COL2A1: variants seen among roughly 807,000 people sequenced by gnomAD.
The protein encoded by COL2A1 is collagen type II alpha 1 chain, also known as collagen alpha-1(II) chain.
Under a neutral mutation model 204.5 loss-of-function variants are expected in COL2A1, and 28 were observed. The ratio of observed to expected loss-of-function variants is 0.14; its 90% confidence interval spans 0.10 to 0.19. The LOEUF is 0.19. Ranked by LOEUF, COL2A1 falls within the 10% of genes least tolerant of loss-of-function variation. COL2A1 has a pLI of 1.00. For synonymous variants in COL2A1, 708 were observed against 718.7 expected, an observed-to-expected ratio of 0.99 and a Z score of 0.24; for missense variants, 1,388 against 2,027.5, an observed-to-expected ratio of 0.68 and a Z score of 6.06.
At chr12:47,999,840 G>T in intron 2 of COL2A1, 79 bp downstream of exon 2, 2 of 1,305,432 alleles carry the variant, frequency 1.5e-6, no homozygotes, top group South Asian at 1.2e-5. Flanking sequence ...TTGCAGAGAC[G>T]ACCAGCATCT....
chr12:47,980,037 T>G lies in COL2A1; in HGVS notation c.2651A>C (p.Lys884Thr). ...GGGGCCTTGGGCACCTCGGGCTCCTTTAGGACCAGTCACTCCAGTAGGACC... is the reference window on the plus strand; with the variant it reads ...GGGGCCTTGGGCACCTCGGGCTCCTGTAGGACCAGTCACTCCAGTAGGACC... ...PQGPTGVTGP[K>T]GARGAQGPPG... is the part of the protein sequence containing the mutation. Residue 884 changes from lysine to threonine, a missense_variant, in exon 40 of 54, where the codon AAA becomes ACA. Physicochemically the swap from Lys to Thr is moderately conservative, Grantham distance 78 (BLOSUM62 -1). Coordinates refer to ENST00000380518, the MANE Select transcript of COL2A1 (RefSeq NM_001844.5). This position sits in a 1 kb window ranked among gnomAD's most constrained non-coding sequence, Gnocchi z 4.5. The G allele has an allele frequency of 6.4e-7, 1 of 1,555,472 alleles. No homozygotes were observed. Among genetic ancestry groups the G allele is most frequent in the Non-Finnish European group, 8.7e-7 (1 of 1,149,538 alleles).
At chr12:47,991,419 G>A (rs938590545) in intron 16 of COL2A1, among the ~76,000 whole-genome samples, 3 of 152,182 alleles carry the variant, frequency 2.0e-5, no homozygotes, top group Non-Finnish European at 4.4e-5. Flanking sequence ...ATCTCCATGA[G>A]CCTACCCCGT....
chr12:47,976,620 A>G lies in COL2A1; in HGVS notation c.3436-53T>C. 1 of 1,577,920 alleles carries G rather than the reference A, an allele frequency of 6.3e-7. No individual in the cohort carries two copies. The highest frequency in any genetic ancestry group is 8.7e-7 in the Non-Finnish European group (1 of 1,147,428). ...ACGGTCAGCACAGACATATCTATCT[A>G]TATTCTGGGAGCTGGGGGAACAGCT... On this transcript the variant is annotated intron_variant, in intron 48 of 53. Coordinates refer to ENST00000380518, the MANE Select transcript of COL2A1 (RefSeq NM_001844.5). The surrounding 1 kb of genome is among the most constrained non-coding windows in gnomAD (Gnocchi z 4.3).
Position 47,973,294 on chromosome 12 carries a change from TG to T in COL2A1, c.*112del. The T allele has an allele frequency of 7.2e-7, 1 of 1,392,258 alleles. No individual in the cohort carries two copies. The highest frequency in any genetic ancestry group is 1.0e-6 in the Non-Finnish European group (1 of 977,658). 86.2% of individuals were successfully genotyped at this position (1,392,258 alleles called of 1,614,324 possible). ...CCGAACTGTGAGAGGGTGGGATGAA[TG>T]GACATCAGGTCAGGTCAGCCATTCA... On this transcript the variant is annotated 3_prime_UTR_variant, in exon 54 of 54. Coordinates refer to ENST00000380518, the MANE Select transcript of COL2A1 (RefSeq NM_001844.5).
intron 2 of COL2A1, chr12:47,998,731 A>T (rs142052925): frequency 2.6e-6 from 1 of 380,324 alleles, no homozygotes; most frequent in East Asian, 4.9e-5. Flanking sequence ...CTCAAGATCT[A>T]ATCAGCCACA....
Position 47,987,471 on chromosome 12 carries a change from A to T in COL2A1, c.1221+140T>A. 9.5e-7 allele frequency: 1 copy of T among 1,048,874 alleles called. No individual in the cohort carries two copies. Among genetic ancestry groups the T allele is most frequent in the Non-Finnish European group, 1.4e-6 (1 of 690,560 alleles). 65.0% of individuals were successfully genotyped at this position (1,048,874 alleles called of 1,614,324 possible). A position where few individuals can be genotyped will look rare whatever the true frequency, so the allele number is the denominator to read the frequency against. ...GGGAAGATGGGATAGAAGGGAATAC[A>T]TCTAGAGGTGGGGACAGGCATTGGG... On this transcript the variant is annotated intron_variant, in intron 19 of 53. Coordinates refer to ENST00000380518, the MANE Select transcript of COL2A1 (RefSeq NM_001844.5). The surrounding 1 kb of genome is among the most constrained non-coding windows in gnomAD (Gnocchi z 4.1).
At chr12:47,994,585 G>A in intron 11 of COL2A1, 108 bp from the exon 12 acceptor site, 2 of 1,151,364 alleles carry the variant, frequency 1.7e-6, no homozygotes, top group Non-Finnish European at 2.6e-6. Context: ...TTGCCTACCG[G>A]CTCACTCATC....
chr12:47,984,046 C>T (rs1939245371), intron 29 of COL2A1, 41 bp downstream of exon 29: 1 of 1,587,098 alleles, frequency 6.3e-7, no homozygotes, highest in African/African-American at 1.3e-5. Context: ...CTCCCAGCCC[C>T]TGCCCCCAGG....
chr12:47,976,959 C>A lies in COL2A1; in HGVS notation c.3328-40G>T, dbSNP rs1265891983. ...GACACCGATTGAGTCAGGTCAGGGC[C>A]AGGACAGGAGCCCCCTCCTGTCCCA... is the stretch of plus-strand genomic sequence containing the variant. On this transcript the variant is annotated intron_variant, in intron 47 of 53. Transcript: ENST00000380518. The surrounding 1 kb of genome is among the most constrained non-coding windows in gnomAD (Gnocchi z 4.3). 1.2e-5 allele frequency: 18 copies of A among 1,558,168 alleles called. No homozygotes were observed. The highest frequency in any genetic ancestry group is 1.9e-5 in the Admixed American group (1 of 53,740).
rs1217575381 is a variant in COL2A1, at chr12:47,998,423, C to T, written c.301G>A (p.Gly101Arg). 4 of 1,610,292 alleles carry T rather than the reference C, an allele frequency of 2.5e-6. No individual in the cohort carries two copies. The highest frequency in any genetic ancestry group is 3.4e-6 in the Non-Finnish European group (4 of 1,177,764). The change falls in exon 3 of 54, where the codon GGA (glycine) becomes AGA (arginine). Residue 101 changes from glycine to arginine, a missense_variant. Gly to Arg is a moderately radical substitution (Grantham distance 125). Coordinates refer to ENST00000380518, the MANE Select transcript of COL2A1 (RefSeq NM_001844.5). ...TDLATASGQP[G>R]PKGQKGEPGD... ...AAGAAGAAAGCCCTTACCTTTGGTC[C>T]TGGTTGCCCTGCAAGGGAAAAAATA...
At chr12:48,005,827 C>T (rs1422570395), upstream of COL2A1, 1 of 152,268 alleles carries the variant, frequency 6.6e-6, no homozygotes, top group Non-Finnish European at 1.5e-5. Context: ...CCCCTAGAAG[C>T]TGAGAGCACT....
At chr12:47,982,278 C>T in intron 34 of COL2A1, 118 bp from the exon 35 acceptor site, 1 of 976,008 alleles carries the variant, frequency 1.0e-6, no homozygotes, top group South Asian at 1.3e-5. Flanking sequence ...GAGGAATTTG[C>T]TGTGGTCTCA....
In COL2A1 at chr12:47,997,819, T is replaced by A. The variant is rs1360223677; in HGVS notation, c.429+52A>T. 1.9e-6 allele frequency: 3 copies of A among 1,612,204 alleles called. No individual in the cohort carries two copies. The East Asian group carries it at 6.7e-5, about 36-fold the overall frequency. On this transcript the variant is annotated intron_variant, in intron 6 of 53. Transcript: ENST00000380518. ...AGGCCCTTAAACACATGGTGGGGCC[T>A]TGGGGGACCTGGGAAGTCCACCAGG...
chr12:47,986,012 C>A (rs2136569123), intron 23 of COL2A1, 47 bp from the exon 24 acceptor site: 2 of 1,536,060 alleles, frequency 1.3e-6, no homozygotes, highest in Non-Finnish European at 1.8e-6. Context: ...ACAGCCCCAA[C>A]CCAGCCAGGC....
chr12:48,004,461 C>T lies in COL2A1; in HGVS notation c.-140G>A. On this transcript the variant is annotated 5_prime_UTR_variant, in exon 1 of 54. Coordinates refer to ENST00000380518, the MANE Select transcript of COL2A1 (RefSeq NM_001844.5). ...GAGGGGGAAGCGGGAGACCCGGCAG[C>T]CCAGCAGCGCTCTGCGTCTTCTCCC... 1 of 570,906 alleles carries T rather than the reference C, an allele frequency of 1.8e-6. No individual in the cohort carries two copies. The highest frequency in any genetic ancestry group is 3.2e-5 in the Admixed American group (1 of 31,646). The allele number at this position is 570,906 out of a possible 1,614,324, so 35.4% of individuals were successfully genotyped here.
At chr12:47,983,783 C>A in intron 29 of COL2A1, 47 bp from the exon 30 acceptor site, 1 of 1,553,536 alleles carries the variant, frequency 6.4e-7, no homozygotes, top group East Asian at 2.4e-5. Flanking sequence ...TCCAGAGACC[C>A]TGAGAGCCAC....
chr12:47,974,740 A>G lies in COL2A1; in HGVS notation c.4009T>C (p.Trp1337Arg). 10 of 1,614,172 alleles carry G rather than the reference A, an allele frequency of 6.2e-6. No individual in the cohort carries two copies. Among genetic ancestry groups the G allele is most frequent in the Non-Finnish European group, 8.5e-6 (10 of 1,180,028 alleles). ...NPANVPKKNW[W>R]SSKSKEKKHI... The stretch of plus-strand genomic sequence containing the variant: ...TTCTTCTCCTTGCTCTTGCTGCTCC[A>G]CCAGTTCTTCTTGGGAACGTTTGCT... The change falls in exon 52 of 54, where the codon TGG becomes CGG. Residue 1337 changes from tryptophan (W) to arginine (R), a missense_variant. Coordinates refer to ENST00000380518, the MANE Select transcript of COL2A1 (RefSeq NM_001844.5).
chr12:47,983,589 A>C, intron 30 of COL2A1, 94 bp downstream of exon 30: 1 of 1,462,530 alleles, frequency 6.8e-7, no homozygotes, highest in Non-Finnish European at 9.4e-7. Context: ...ACCCTGCAAG[A>C]GGTGTGGGCC....
Position 47,975,471 on chromosome 12 carries a change from T to C in COL2A1, c.3732A>G (p.Ala1244=), listed in dbSNP as rs758166120. The C allele has an allele frequency of 1.9e-6, 3 of 1,613,850 alleles. No homozygotes were observed. The African/African-American group carries it at 4.0e-5, about 22-fold the overall frequency. The part of the protein sequence containing the change: ...DPLQYMRADQ[A]AGGLRQHDAE... Reference sequence around the variant, plus strand: ...CGTCATGCTGTCTCAGGCCACCGGCTGCCTGGTCGGCCCGCATGTACTGCA... The same window carrying C: ...CGTCATGCTGTCTCAGGCCACCGGCCGCCTGGTCGGCCCGCATGTACTGCA... Residue 1244 remains alanine (A), a synonymous_variant, in exon 51 of 54, where the codon GCA becomes GCG. Coordinates refer to ENST00000380518, the MANE Select transcript of COL2A1 (RefSeq NM_001844.5).
Sources: gnomAD v4.1 joint callset for allele counts (sites outside exome capture counted in the v4.1 genomes callset) on GRCh38, gnomAD v4.1.1 for gene constraint, Gnocchi (gnomAD v3.1) non-coding constraint, MANE v1.5 for transcripts, NCBI Gene and HGNC (gene_info 2026-07-23, HGNC 2026-07-21) for gene names.